The following HECTD2 variants were observed in gnomAD, a reference collection of about 807,000 sequenced individuals.
HECTD2 encodes the protein probable E3 ubiquitin-protein ligase HECTD2.
HECTD2 carries 35 observed loss-of-function variants against 103.2 expected under a neutral mutation model. The observed-to-expected ratio is 0.34, with a 90% CI of 0.26 to 0.45. The LOEUF is 0.45. Ranked by LOEUF, HECTD2 falls within the 20% of genes least tolerant of loss-of-function variation. The pLI is 1.00. For synonymous variants in HECTD2, 281 were observed against 329.9 expected (o/e 0.85, Z 1.61); for missense variants, 596 against 937.4 (o/e 0.64, Z 4.76).
intron 5 of HECTD2, among the ~76,000 whole-genome samples, chr10:91,471,683 C>A (rs1056684524): frequency 6.6e-6 from 1 of 152,004 alleles, no homozygotes; most frequent in South Asian, 2.1e-4. Context: ...AGCAGAGAGC[C>A]AAATCAAGAA....
intron 1 of HECTD2, among the ~76,000 whole-genome samples, chr10:91,425,077 C>T (rs1372464124): frequency 1.3e-5 from 2 of 151,970 alleles, no homozygotes; most frequent in Non-Finnish European, 2.9e-5. Context: ...CCAAACTTCT[C>T]AATTTGTAAT....
intron 2 of HECTD2, among the ~76,000 whole-genome samples, chr10:91,453,695 C>T (rs546961557): frequency 6.6e-6 from 1 of 152,108 alleles, no homozygotes; most frequent in East Asian, 1.9e-4. Flanking sequence ...TAAGTTCTAC[C>T]TTATTAAAAA....
At chr10:91,418,214 A>T (rs1325575213) in intron 1 of HECTD2, among the ~76,000 whole-genome samples, 3 of 152,182 alleles carry the variant, frequency 2.0e-5, no homozygotes. Flanking sequence ...CTCTTAATTG[A>T]TTGAGAATTT....
At chr10:91,452,787 T>C (rs1389752206) in intron 2 of HECTD2, among the ~76,000 whole-genome samples, 2 of 152,044 alleles carry the variant, frequency 1.3e-5, no homozygotes, top group Non-Finnish European at 2.9e-5. Context: ...CAGAAGGATA[T>C]GCCACTAAAT....
rs747747402 is a variant in HECTD2, at chr10:91,512,504, T to TTAAG, written c.*122_*125dup. The TTAAG allele has an allele frequency of 1.3e-4, 118 of 936,748 alleles. No homozygotes were observed. Among genetic ancestry groups the TTAAG allele is most frequent in the Non-Finnish European group, 1.7e-4 (106 of 637,364 alleles). 58.0% of individuals were successfully genotyped at this position (936,748 alleles called of 1,614,324 possible). A position where few individuals can be genotyped will look rare whatever the true frequency, so the allele number is the denominator to read the frequency against. ...GACAAAGCTCACCAACTTTAAAATA[T>TTAAG]TAAGTTTTTAAAAAATCAAATATGA... On this transcript the variant is annotated 3_prime_UTR_variant, in exon 21 of 21. Coordinates refer to ENST00000298068, the MANE Select transcript of HECTD2 (RefSeq NM_182765.6).
At chr10:91,511,673 C>CAAT (rs1446355254) in intron 20 of HECTD2, among the ~76,000 whole-genome samples, 1 of 152,054 alleles carries the variant, frequency 6.6e-6, no homozygotes, top group African/African-American at 2.4e-5. Flanking sequence ...GTGCAGTTCA[C>CAAT]AATAGGGTCC....
At chr10:91,465,748 G>T (rs554546044) in intron 5 of HECTD2, among the ~76,000 whole-genome samples, 71 of 152,114 alleles carry the variant, frequency 4.7e-4, no homozygotes, top group Admixed American at 4.6e-4. Flanking sequence ...TGATTTTCAG[G>T]TGTTGAACCA....
At chr10:91,453,056 T>C (rs1589498802) in intron 2 of HECTD2, among the ~76,000 whole-genome samples, 1 of 152,156 alleles carries the variant, frequency 6.6e-6, no homozygotes, top group African/African-American at 2.4e-5. Context: ...TCTTCTCCTC[T>C]TATGTTTTCT....
intron 1 of HECTD2, among the ~76,000 whole-genome samples, chr10:91,424,092 C>A (rs768282970): frequency 1.2e-4 from 18 of 152,116 alleles, no homozygotes; most frequent in Non-Finnish European, 2.1e-4. Context: ...CATAGTCACT[C>A]AAGAACCCAA....
chr10:91,472,145 G>C (rs1407719911), intron 5 of HECTD2, among the ~76,000 whole-genome samples: 1 of 152,046 alleles, frequency 6.6e-6, no homozygotes, highest in East Asian at 1.9e-4. Context: ...AGAGAGCCTA[G>C]AACTGATGAC....
chr10:91,470,252 A>G (rs1368478998), intron 5 of HECTD2, among the ~76,000 whole-genome samples: 1 of 152,214 alleles, frequency 6.6e-6, no homozygotes, highest in Non-Finnish European at 1.5e-5. Context: ...CCCCAAAACA[A>G]CAGAATACAC....
At chr10:91,496,144 CTGA>C (rs1286567491) in intron 14 of HECTD2, 67 bp from the exon 15 acceptor site, 3 of 1,007,926 alleles carry the variant, frequency 3.0e-6, no homozygotes, top group Non-Finnish European at 4.3e-6. Context: ...AAAAAATAGA[CTGA>C]TGCATAATTC....
chr10:91,454,398 A>C (rs1281543457), intron 2 of HECTD2, among the ~76,000 whole-genome samples: 2 of 152,102 alleles, frequency 1.3e-5, no homozygotes, highest in Non-Finnish European at 2.9e-5. Context: ...GAAATTAAAC[A>C]ACTTCCAAAT....
At chr10:91,486,550 G>C (rs1443160087) in intron 10 of HECTD2, 1 of 152,132 alleles carries the variant, frequency 6.6e-6, no homozygotes, top group Non-Finnish European at 1.5e-5. Context: ...TGAACCTAGA[G>C]GGGAACAGGA....
At chr10:91,498,768 G>A in intron 16 of HECTD2, 104 bp from the exon 17 acceptor site, 3 of 648,714 alleles carry the variant, frequency 4.6e-6, no homozygotes, top group South Asian at 2.1e-5. Flanking sequence ...TATGTGTTTA[G>A]AAGGAAGGGG....
intron 15 of HECTD2, among the ~76,000 whole-genome samples, chr10:91,497,121 G>A (rs1039030324): frequency 2.8e-5 from 4 of 142,836 alleles, no homozygotes; most frequent in East Asian, 2.0e-4. Context: ...CACCGTGCCC[G>A]GCAAATTTTT....
chr10:91,415,227 T>TGTGTAC (rs1186696166), intron 1 of HECTD2, among the ~76,000 whole-genome samples: 4 of 151,682 alleles, frequency 2.6e-5, no homozygotes, highest in East Asian at 3.9e-4. Context: ...TGTGTGTGTG[T>TGTGTAC]GTGTACTTAA....
chr10:91,412,521 C>A (rs1409495941), intron 1 of HECTD2, among the ~76,000 whole-genome samples: 10 of 149,450 alleles, frequency 6.7e-5, no homozygotes, highest in Non-Finnish European at 4.4e-5. Flanking sequence ...GTAGCCTGAT[C>A]TCGGCTCACT....
chr10:91,422,928 G>A (rs527286052), intron 1 of HECTD2, among the ~76,000 whole-genome samples: 1 of 152,136 alleles, frequency 6.6e-6, no homozygotes, highest in African/African-American at 2.4e-5. Context: ...GGTGAAGGAA[G>A]GGGGAAGAAA....
Sources: gnomAD v4.1 joint callset for allele counts (sites outside exome capture counted in the v4.1 genomes callset) on GRCh38, gnomAD v4.1.1 for gene constraint, MANE v1.5 for transcripts, NCBI Gene and HGNC (gene_info 2026-07-23, HGNC 2026-07-21) for gene names.